Variants in HSPBAP1 observed in about 807,000 individuals in gnomAD.
HSPBAP1 encodes the protein HSPB1-associated protein 1.
A neutral mutation model predicts 45.2 loss-of-function variants in HSPBAP1; 27 were observed. That is an observed-to-expected ratio of 0.60 (90% CI 0.44 to 0.82). HSPBAP1 has a LOEUF of 0.82. Ranked by LOEUF, HSPBAP1 falls within the 40% of genes least tolerant of loss-of-function variation. HSPBAP1 has a pLI of 0.00. For missense variants in HSPBAP1, 510 were observed against 590.9 expected (o/e 0.86, Z 1.42); for synonymous variants, 204 against 202.7 (o/e 1.01, Z -0.06).
rs376814811 is a variant in HSPBAP1 at position 122,775,238 on chromosome 3, A to G, written c.250+2483T>C. Among the ~76,000 whole-genome samples the G allele has an allele frequency of 3.9e-5, 6 of 152,302 alleles. No individual in the cohort carries two copies. In the East Asian group the frequency reaches 1.2e-3, roughly 29 times the overall value. ...ATCTCTGGGTAGTGGGACCTTTGCA[A>G]GTCATATACTTAATAAGGGTAGTAT... On this transcript the variant is annotated intron_variant, in intron 2 of 7. Coordinates refer to ENST00000306103, the MANE Select transcript of HSPBAP1 (RefSeq NM_024610.6).
chr3:122,782,013 A>G (rs1236959994), intron 1 of HSPBAP1, among the ~76,000 whole-genome samples: 3 of 152,230 alleles, frequency 2.0e-5, no homozygotes, highest in Non-Finnish European at 2.9e-5. Context: ...GTAGATATTT[A>G]CAATATACAA....
At chr3:122,768,666 T>C (rs373497563) in intron 3 of HSPBAP1, 35 bp downstream of exon 3, 104 of 1,470,182 alleles carry the variant, frequency 7.1e-5, no homozygotes, top group Non-Finnish European at 9.5e-5. Flanking sequence ...CAAAAACAAA[T>C]TCCTACCAAG....
At chr3:122,772,432 G>A (rs568610588) in intron 2 of HSPBAP1, among the ~76,000 whole-genome samples, 4 of 151,990 alleles carry the variant, frequency 2.6e-5, no homozygotes, top group Non-Finnish European at 4.4e-5. Context: ...TGTTTTACTG[G>A]CCCCCAAACT....
Position 122,768,754 on chromosome 3 carries a change from C to T in HSPBAP1, c.379G>A (p.Ala127Thr). 6.2e-7 allele frequency: 1 copy of T among 1,612,716 alleles called. No individual in the cohort carries two copies. ...AGACTGACAAAATATTTATAGTCAG[C>T]ATAAGCCCAGAACTTGGAATGGTCA... is the stretch of plus-strand genomic sequence containing the variant. ...DYDHSKFWAY[A>T]DYKYFVSLFE... Residue 127 changes from alanine (A) to threonine (T), a missense_variant, in exon 3 of 8, where the codon GCT (alanine) becomes ACT (threonine). Ala to Thr is a moderately conservative substitution (Grantham distance 58). Transcript: ENST00000306103.
chr3:122,781,989 G>T (rs1021366653), intron 1 of HSPBAP1, among the ~76,000 whole-genome samples: 1 of 152,096 alleles, frequency 6.6e-6, no homozygotes, highest in Non-Finnish European at 1.5e-5. Flanking sequence ...TAAATTTTAA[G>T]TGTTTAAATT....
At chr3:122,748,920 A>G (rs1385395474) in intron 6 of HSPBAP1, among the ~76,000 whole-genome samples, 1 of 152,184 alleles carries the variant, frequency 6.6e-6, no homozygotes, top group Non-Finnish European at 1.5e-5. Flanking sequence ...AAATATGAAT[A>G]TTTCTCTGTA....
intron 3 of HSPBAP1, among the ~76,000 whole-genome samples, chr3:122,759,697 C>CT (rs961649909): frequency 5.3e-5 from 8 of 152,262 alleles, no homozygotes; most frequent in African/African-American, 1.9e-4. Flanking sequence ...TGGAAACAGA[C>CT]AATAAACAGA....
chr3:122,763,603 A>G (rs1435338477), intron 3 of HSPBAP1, among the ~76,000 whole-genome samples: 1 of 152,150 alleles, frequency 6.6e-6, no homozygotes, highest in African/African-American at 2.4e-5. Flanking sequence ...AGTATTATGA[A>G]AATAATTTTG....
Position 122,740,364 on chromosome 3 carries a change from A to G in HSPBAP1, c.1448T>C (p.Ile483Thr). The G allele has an allele frequency of 6.2e-7, 1 of 1,604,482 alleles. No homozygotes were observed. The highest frequency in any genetic ancestry group is 8.5e-7 in the Non-Finnish European group (1 of 1,172,328). ...QVTRIVAQLL[I>T]QGRSL ...CTTGAATCATAAACTTCTTCCTTGT[A>G]TCAAAAGTTGTGCCACTATCCTGGT... Residue 483 changes from isoleucine (I) to threonine (T), a missense_variant, in exon 8 of 8, where the codon ATA becomes ACA. Coordinates refer to ENST00000306103, the MANE Select transcript of HSPBAP1 (RefSeq NM_024610.6).
intron 5 of HSPBAP1, chr3:122,753,783 CAGAGT>C (rs1934244305): frequency 5.5e-5 from 54 of 985,088 alleles, no homozygotes; most frequent in Non-Finnish European, 6.1e-5. Flanking sequence ...CATGTCCTAT[CAGAGT>C]AAAGTTTCAG....
At chr3:122,790,845 T>A (rs561554869) in intron 1 of HSPBAP1, among the ~76,000 whole-genome samples, 9 of 152,304 alleles carry the variant, frequency 5.9e-5, no homozygotes, top group East Asian at 3.9e-4. Context: ...CCAAAAATTT[T>A]AAAAATGAAC....
At chr3:122,758,895 CCAAA>C in intron 4 of HSPBAP1, 2 of 129,880 alleles carry the variant, frequency 1.5e-5, no homozygotes, top group South Asian at 8.6e-5. Context: ...CTCTAATTTA[CCAAA>C]AAAAAAAAAA....
At chr3:122,759,527 T>C (rs1386831221) in intron 3 of HSPBAP1, among the ~76,000 whole-genome samples, 167 bp from the exon 4 acceptor site, 3 of 152,232 alleles carry the variant, frequency 2.0e-5, no homozygotes, top group African/African-American at 7.2e-5. Flanking sequence ...AAGAAATCTT[T>C]TTAGCCAATA....
intron 3 of HSPBAP1, among the ~76,000 whole-genome samples, 183 bp downstream of exon 3, chr3:122,768,518 T>C (rs1008760011): frequency 6.6e-6 from 1 of 152,252 alleles, no homozygotes; most frequent in African/African-American, 2.4e-5. Flanking sequence ...CCTGCTCATC[T>C]GTGTGAGCCA....
chr3:122,780,960 G>A (rs571496277), intron 1 of HSPBAP1, among the ~76,000 whole-genome samples: 7,307 of 135,728 alleles, frequency 0.054, 810 homozygotes, highest in Middle Eastern at 0.092. Context: ...GACGATGGGC[G>A]GCCGGGCAGA....
intron 3 of HSPBAP1, chr3:122,761,464 A>C (rs1027449048): frequency 6.6e-6 from 1 of 152,192 alleles, no homozygotes; most frequent in African/African-American, 2.4e-5. Flanking sequence ...TAACAGTAAT[A>C]ATGACTTAAA....
chr3:122,775,606 G>A (rs776900040), intron 2 of HSPBAP1, among the ~76,000 whole-genome samples: 4 of 152,138 alleles, frequency 2.6e-5, no homozygotes, highest in Admixed American at 6.5e-5. Flanking sequence ...GAGCCACTGC[G>A]TCCGGCCTAG....
At chr3:122,778,007 A>G (rs1935246690) in intron 1 of HSPBAP1, 101 bp from the exon 2 acceptor site, 1 of 744,012 alleles carries the variant, frequency 1.3e-6, no homozygotes, top group East Asian at 2.7e-5. Context: ...ATGGCAAATC[A>G]TTCTCTACAA....
intron 4 of HSPBAP1, chr3:122,758,663 T>C (rs1399889914): frequency 6.7e-6 from 3 of 447,986 alleles, no homozygotes; most frequent in Non-Finnish European, 8.9e-6. Flanking sequence ...CACCAGAACT[T>C]TGAGAGGCCA....
Sources: gnomAD v4.1 joint callset for allele counts (sites outside exome capture counted in the v4.1 genomes callset) on GRCh38, gnomAD v4.1.1 for gene constraint, MANE v1.5 for transcripts, NCBI Gene and HGNC (gene_info 2026-07-23, HGNC 2026-07-21) for gene names.